NME7: variants seen among roughly 807,000 people sequenced by gnomAD.
NME7 encodes the protein NME/NM23 family member 7, also known as nucleoside diphosphate kinase 7.
In NME7, 41 loss-of-function variants were observed where a neutral mutation model predicts 49.1. The ratio of observed to expected loss-of-function variants is 0.83; its 90% CI spans 0.65 to 1.08. NME7 has a LOEUF of 1.08. Among genes scored for constraint, NME7 ranks in the 50% least tolerant of loss-of-function variants. The pLI is 0.00. For synonymous variants in NME7, 139 were observed against 150.6 expected, an observed-to-expected ratio of 0.92 and a Z score of 0.56; for missense variants, 423 against 463.4, an observed-to-expected ratio of 0.91 and a Z score of 0.80.
intron 10 of NME7, among the ~76,000 whole-genome samples, chr1:169,202,371 C>T (rs769401037): frequency 6.6e-6 from 1 of 152,154 alleles, no homozygotes; most frequent in Non-Finnish European, 1.5e-5. Context: ...CCTTTGCTTG[C>T]TCCTGCTTTT....
At chr1:169,146,801 T>G (rs1047728380) in intron 11 of NME7, among the ~76,000 whole-genome samples, 1 of 151,990 alleles carries the variant, frequency 6.6e-6, no homozygotes, top group Non-Finnish European at 1.5e-5. Flanking sequence ...CACTAAGGGG[T>G]GAACTACACA....
chr1:169,284,993 G>T (rs1270153858), intron 7 of NME7: 3 of 152,014 alleles, frequency 2.0e-5, no homozygotes, highest in Non-Finnish European at 4.4e-5. Context: ...CTATAAACAA[G>T]AACTTTTTCA....
intron 1 of NME7, among the ~76,000 whole-genome samples, chr1:169,342,500 C>T (rs1212006324): frequency 1.1e-4 from 13 of 118,570 alleles, no homozygotes; most frequent in East Asian, 6.8e-4. Flanking sequence ...TATATATATA[C>T]AAGTACATAT....
intron 1 of NME7, among the ~76,000 whole-genome samples, chr1:169,363,860 G>A (rs1653752654): frequency 6.6e-6 from 1 of 152,190 alleles, no homozygotes; most frequent in African/African-American, 2.4e-5. Flanking sequence ...CCCGGCAGGA[G>A]GAGTGGGAAC....
intron 3 of NME7, among the ~76,000 whole-genome samples, chr1:169,312,966 C>G (rs2300157): frequency 0.17 from 26,063 of 151,882 alleles, 2,456 homozygotes; most frequent in East Asian, 0.23. Flanking sequence ...TTTGGTTTTT[C>G]TCATACTTTG....
At chr1:169,299,799 C>T (rs1172008010) in intron 5 of NME7, among the ~76,000 whole-genome samples, 4 of 151,604 alleles carry the variant, frequency 2.6e-5, no homozygotes, top group South Asian at 2.1e-4. Flanking sequence ...TCTATAATAC[C>T]TCCTCATACA....
At chr1:169,286,063 A>C (rs536634361) in intron 7 of NME7, 1 of 152,322 alleles carries the variant, frequency 6.6e-6, no homozygotes, top group Admixed American at 6.5e-5. Context: ...ATATTAAAGA[A>C]TCTATTAAAA....
intron 8 of NME7, among the ~76,000 whole-genome samples, chr1:169,235,556 T>C (rs760404564): frequency 3.3e-5 from 5 of 152,104 alleles, no homozygotes; most frequent in Non-Finnish European, 7.4e-5. Flanking sequence ...CCATTGATAA[T>C]ACTTTTACCT....
intron 7 of NME7, among the ~76,000 whole-genome samples, chr1:169,281,526 G>A (rs892338050): frequency 6.6e-6 from 1 of 152,124 alleles, no homozygotes; most frequent in Admixed American, 6.5e-5. Flanking sequence ...TCCTTGTCTT[G>A]TGCCGGTTTT....
chr1:169,317,120 T>C (rs577345636), intron 3 of NME7, among the ~76,000 whole-genome samples: 11 of 152,202 alleles, frequency 7.2e-5, no homozygotes, highest in Non-Finnish European at 1.3e-4. Flanking sequence ...CCAGATTAAA[T>C]TGAAAAAAAA....
At chr1:169,348,140 T>C (rs896640664) in intron 1 of NME7, among the ~76,000 whole-genome samples, 2 of 152,188 alleles carry the variant, frequency 1.3e-5, no homozygotes, top group African/African-American at 4.8e-5. Flanking sequence ...CTAATGTACC[T>C]TTATAAAAGT....
In NME7 at chr1:169,257,998, A is replaced by C. The variant is rs1176053100; in HGVS notation, c.755-20311T>G. Among the ~76,000 whole-genome samples, 2 of 133,434 alleles carry C rather than the reference A, an allele frequency of 1.5e-5. 1 individual carries two copies. Among genetic ancestry groups the C allele is most frequent in the African/African-American group, 5.1e-5 (2 of 39,466 alleles). The allele number at this position is 133,434 out of a possible 152,430, so 87.5% of individuals were successfully genotyped here. A position where few individuals can be genotyped will look rare whatever the true frequency, so the allele number is the denominator to read the frequency against. On this transcript the variant is annotated intron_variant, in intron 7 of 11. Coordinates refer to ENST00000367811, the MANE Select transcript of NME7 (RefSeq NM_013330.5). ...TAACATGAACAACACAAAGTAAATA[A>C]ATGTTGTTCCTTACCTATAATTAGT...
intron 10 of NME7, among the ~76,000 whole-genome samples, chr1:169,188,652 T>C (rs1296234457): frequency 6.6e-6 from 1 of 152,214 alleles, no homozygotes; most frequent in Non-Finnish European, 1.5e-5. Context: ...TCGGTATTAA[T>C]CAAAACCTTG....
At chr1:169,358,743 A>T (rs1433172619) in intron 1 of NME7, among the ~76,000 whole-genome samples, 3 of 152,096 alleles carry the variant, frequency 2.0e-5, no homozygotes, top group African/African-American at 7.2e-5. Context: ...CTATTGTTAG[A>T]CATATGTATG....
chr1:169,322,964 T>A (rs1651909920), intron 3 of NME7, among the ~76,000 whole-genome samples, 153 bp downstream of exon 3: 1 of 151,942 alleles, frequency 6.6e-6, no homozygotes, highest in South Asian at 2.1e-4. Context: ...TATTATCAAT[T>A]TTTTTTTAAA....
At chr1:169,284,460 T>C (rs1270886013) in intron 7 of NME7, 1 of 152,120 alleles carries the variant, frequency 6.6e-6, no homozygotes, top group Non-Finnish European at 1.5e-5. Context: ...TAAATTTAAG[T>C]CCCTTGTAGA....
intron 6 of NME7, among the ~76,000 whole-genome samples, chr1:169,288,297 T>C (rs1246801661): frequency 6.6e-6 from 1 of 152,166 alleles, no homozygotes; most frequent in Admixed American, 6.6e-5. Flanking sequence ...TAAAACAATG[T>C]CTGGCTCAAT....
intron 7 of NME7, among the ~76,000 whole-genome samples, chr1:169,282,325 T>G (rs919263249): frequency 1.3e-5 from 2 of 152,214 alleles, no homozygotes; most frequent in Admixed American, 6.5e-5. Flanking sequence ...TGAATCTATT[T>G]GATTCTTCTC....
intron 1 of NME7, among the ~76,000 whole-genome samples, chr1:169,365,714 A>T (rs1653827232): frequency 6.6e-6 from 1 of 152,208 alleles, no homozygotes; most frequent in South Asian, 2.1e-4. Flanking sequence ...TTGGGTTTTT[A>T]AAAATTCCTT....
Sources: gnomAD v4.1 joint callset for allele counts (sites outside exome capture counted in the v4.1 genomes callset) on GRCh38, gnomAD v4.1.1 for gene constraint, MANE v1.5 for transcripts, NCBI Gene and HGNC (gene_info 2026-07-23, HGNC 2026-07-21) for gene names.